SATB1: variants seen among roughly 807,000 people sequenced by gnomAD.
SATB1 encodes DNA-binding protein SATB1.
Under a neutral mutation model 86.9 loss-of-function variants are expected in SATB1, and 11 were observed. That is an observed-to-expected ratio of 0.13 (90% CI 0.08 to 0.21). The LOEUF is 0.21. Among genes scored for constraint, SATB1 ranks in the 10% least tolerant of loss-of-function variants. SATB1 has a pLI of 1.00. For missense variants in SATB1, 551 were observed against 937.6 expected, an observed-to-expected ratio of 0.59 and a Z score of 5.39; for synonymous variants, 357 against 357.2, an observed-to-expected ratio of 1.00 and a Z score of 0.01.
At chr3:18,427,540 T>A (rs1698749678), upstream of SATB1, among the ~76,000 whole-genome samples, 1 of 152,184 alleles carries the variant, frequency 6.6e-6, no homozygotes, top group East Asian at 1.9e-4. Flanking sequence ...AATATTAAGA[T>A]AGACTGAAAT....
At chr3:18,411,646 C>G (rs1041551877) in intron 5 of SATB1, among the ~76,000 whole-genome samples, 7 of 151,976 alleles carry the variant, frequency 4.6e-5, no homozygotes, top group Middle Eastern at 3.4e-3. Flanking sequence ...TTATTCTCTC[C>G]TTAGCTGCAG....
chr3:18,392,545 A>G (rs975066927), intron 7 of SATB1, among the ~76,000 whole-genome samples: 4 of 148,440 alleles, frequency 2.7e-5, no homozygotes, highest in Non-Finnish European at 6.0e-5. Flanking sequence ...CTATATATAT[A>G]CACATATATA....
chr3:18,377,605 C>T (rs1695826071), intron 9 of SATB1, among the ~76,000 whole-genome samples: 1 of 151,990 alleles, frequency 6.6e-6, no homozygotes, highest in Non-Finnish European at 1.5e-5. Flanking sequence ...ATCTGTGTGT[C>T]TTGCATACTC....
Position 18,420,895 on chromosome 3 carries a change from C to T in SATB1, c.73G>A (p.Gly25Ser). ...EMSNNVSDPK[G>S]PPAKIARLEQ... is the part of the protein sequence containing the mutation. ...AGGCGGGCAATCTTGGCTGGTGGAC[C>T]CTTCGGATCACTCACATTGTTAGAC... Residue 25 changes from glycine (G) to serine (S), a missense_variant, in exon 2 of 11, where the codon GGT becomes AGT. By Grantham distance (56) the Gly-to-Ser change is moderately conservative. Coordinates refer to ENST00000338745, the MANE Select transcript of SATB1 (RefSeq NM_002971.6). The T allele has an allele frequency of 6.2e-7, 1 of 1,614,176 alleles. No individual in the cohort carries two copies. Among genetic ancestry groups the T allele is most frequent in the Non-Finnish European group, 8.5e-7 (1 of 1,180,034 alleles).
upstream of SATB1, among the ~76,000 whole-genome samples, chr3:18,442,696 A>G (rs937169139): frequency 2.0e-5 from 3 of 152,222 alleles, no homozygotes; most frequent in African/African-American, 4.8e-5. Context: ...TCTGCTAACT[A>G]AAGTTGAAAT....
At chr3:18,374,035 G>T (rs1024533114) in intron 9 of SATB1, among the ~76,000 whole-genome samples, 1 of 152,166 alleles carries the variant, frequency 6.6e-6, no homozygotes, top group Non-Finnish European at 1.5e-5. Context: ...CTAAGCACAA[G>T]TGATGATGCA....
intron 9 of SATB1, among the ~76,000 whole-genome samples, chr3:18,373,172 G>T (rs1695560058): frequency 1.3e-5 from 2 of 152,148 alleles, no homozygotes; most frequent in Non-Finnish European, 2.9e-5. Flanking sequence ...AATGAAGAAG[G>T]CTTCGTTTGC....
intron 9 of SATB1, among the ~76,000 whole-genome samples, chr3:18,359,475 T>C (rs968968852): frequency 6.6e-6 from 1 of 151,954 alleles, no homozygotes; most frequent in Non-Finnish European, 1.5e-5. Flanking sequence ...AATAGAGAAT[T>C]TCCCCAAAAA....
chr3:18,359,020 C>G (rs1222432993), intron 9 of SATB1, among the ~76,000 whole-genome samples: 2 of 151,914 alleles, frequency 1.3e-5, no homozygotes, highest in African/African-American at 4.8e-5. Context: ...TTAGCATAAA[C>G]CTGGAGAAAA....
At chr3:18,372,235 G>C (rs766156011) in intron 9 of SATB1, among the ~76,000 whole-genome samples, 6 of 152,096 alleles carry the variant, frequency 3.9e-5, no homozygotes, top group Non-Finnish European at 8.8e-5. Flanking sequence ...CCTTAAAGCT[G>C]GCTCAATATT....
At position 18,349,891 on chromosome 3, in the gene SATB1, C is replaced by T; in HGVS notation, c.1780-209G>A. 10 of 843,414 alleles carry T rather than the reference C, an allele frequency of 1.2e-5. No individual in the cohort carries two copies. The highest frequency in any genetic ancestry group is 1.7e-5 in the Non-Finnish European group (10 of 571,790). 52.2% of individuals were successfully genotyped at this position (843,414 alleles called of 1,614,324 possible). A position where few individuals can be genotyped will look rare whatever the true frequency, so the allele number is the denominator to read the frequency against. ...ATGACTAGGAAGGGATGAATTAAGA[C>T]AGCTTTGGGGGGCTACTGCACTTAC... On this transcript the variant is annotated intron_variant, in intron 10 of 10. Coordinates refer to ENST00000338745, the MANE Select transcript of SATB1 (RefSeq NM_002971.6). This position sits in a 1 kb window ranked among gnomAD's most constrained non-coding sequence, Gnocchi z 5.5.
rs1056338496 is a variant in SATB1, at chr3:18,425,238, C to G, written c.-1636G>C. The G allele has an allele frequency of 6.4e-6, 1 of 155,682 alleles. No individual in the cohort carries two copies. The highest frequency in any genetic ancestry group is 1.4e-5 in the Non-Finnish European group (1 of 70,354). 9.6% of individuals were successfully genotyped at this position (155,682 alleles called of 1,614,324 possible). Reference sequence around the variant, plus strand: ...ATCACCCCGCTCGCAGCCCCAGCCCCGAGCACGCAGCCTCCTCCCGGCCGC... The same window carrying G: ...ATCACCCCGCTCGCAGCCCCAGCCCGGAGCACGCAGCCTCCTCCCGGCCGC... On this transcript the variant is annotated 5_prime_UTR_variant, in exon 1 of 11. Coordinates refer to ENST00000338745, the MANE Select transcript of SATB1 (RefSeq NM_002971.6).
intron 8 of SATB1, among the ~76,000 whole-genome samples, chr3:18,385,550 G>A (rs1466639906): frequency 5.9e-5 from 9 of 151,594 alleles, no homozygotes; most frequent in Non-Finnish European, 1.5e-5. Context: ...GTGAACCCGG[G>A]AGGCAGAGCT....
At chr3:18,421,022 A>G (rs1575170464) in intron 1 of SATB1, 31 bp from the exon 2 acceptor site, 1 of 1,544,066 alleles carries the variant, frequency 6.5e-7, no homozygotes, top group Non-Finnish European at 8.9e-7. Flanking sequence ...GACACGTTAT[A>G]GTTGGGCGGG....
At chr3:18,389,111 T>C (rs1273750042) in intron 7 of SATB1, among the ~76,000 whole-genome samples, 1 of 152,056 alleles carries the variant, frequency 6.6e-6, no homozygotes, top group Admixed American at 6.5e-5. Flanking sequence ...GGCAAAGCAT[T>C]TTACTACCAC....
At chr3:18,433,011 A>G (rs772636784) in intron 2 of SATB1, among the ~76,000 whole-genome samples, 1 of 152,124 alleles carries the variant, frequency 6.6e-6, no homozygotes, top group Non-Finnish European at 1.5e-5. Context: ...AATATGATGA[A>G]TACCTGACCC....
chr3:18,385,085 T>C (rs1198450292), intron 8 of SATB1, among the ~76,000 whole-genome samples: 1 of 152,232 alleles, frequency 6.6e-6, no homozygotes, highest in Non-Finnish European at 1.5e-5. Flanking sequence ...TAAATATTTC[T>C]TATTTATGCA....
chr3:18,439,385 T>A (rs1274397149), upstream of SATB1, among the ~76,000 whole-genome samples: 2 of 152,184 alleles, frequency 1.3e-5, no homozygotes, highest in African/African-American at 4.8e-5. Flanking sequence ...CCTGAATATA[T>A]ACACACACAA....
intron 9 of SATB1, among the ~76,000 whole-genome samples, chr3:18,363,745 C>T (rs558660087): frequency 4.6e-5 from 7 of 152,282 alleles, no homozygotes; most frequent in Admixed American, 3.9e-4. Flanking sequence ...CATCTATGTG[C>T]TAGTCATTGT....
Sources: allele counts gnomAD v4.1 joint callset (sites outside exome capture counted in the v4.1 genomes callset), GRCh38; gene constraint gnomAD v4.1.1; non-coding constraint Gnocchi (gnomAD v3.1); transcripts MANE v1.5; gene names NCBI Gene and HGNC (gene_info 2026-07-23, HGNC 2026-07-21).